The following ARHGAP29 variants were observed in gnomAD, a reference collection of about 807,000 sequenced individuals.
ARHGAP29 encodes the protein rho GTPase-activating protein 29.
A neutral mutation model predicts 122.6 loss-of-function variants in ARHGAP29; 43 were observed. The observed-to-expected ratio is 0.35, with a 90% CI of 0.27 to 0.45. ARHGAP29 has a LOEUF of 0.45. ARHGAP29 is among the 20% of genes least tolerant of loss of function. The pLI is 1.00. For synonymous variants in ARHGAP29, 506 were observed against 497.1 expected (o/e 1.02, Z -0.24); for missense variants, 1,303 against 1,477.2 (o/e 0.88, Z 1.93).
the ARHGAP29 span, among the ~76,000 whole-genome samples, chr1:94,282,430 C>T: frequency 6.6e-6 from 1 of 151,872 alleles, no homozygotes; most frequent in Non-Finnish European, 1.5e-5. Flanking sequence ...GGACTAAAGG[C>T]GCATGTCACC....
intron 1 of ARHGAP29, among the ~76,000 whole-genome samples, chr1:94,247,035 T>C (rs143197102): frequency 1.1e-4 from 16 of 152,060 alleles, no homozygotes; most frequent in African/African-American, 3.9e-4. Context: ...AAGTAATAAA[T>C]AGCCAGGGTC....
intron 12 of ARHGAP29, among the ~76,000 whole-genome samples, chr1:94,200,562 G>C (rs1450643010): frequency 6.6e-6 from 1 of 152,112 alleles, no homozygotes. Flanking sequence ...TGAGAAACAA[G>C]AAAACTTATG....
At chr1:94,302,307 G>T in the ARHGAP29 span, 1 of 261,668 alleles carries the variant, frequency 3.8e-6, no homozygotes, top group South Asian at 3.8e-5. Context: ...ATTATGTTAT[G>T]GAGTCCACTG....
At chr1:94,247,383 G>A (rs1653852143) in intron 1 of ARHGAP29, among the ~76,000 whole-genome samples, 1 of 151,874 alleles carries the variant, frequency 6.6e-6, no homozygotes, top group African/African-American at 2.4e-5. Flanking sequence ...GCGCGCACCC[G>A]GGGTCCGCGG....
intron 3 of ARHGAP29, among the ~76,000 whole-genome samples, chr1:94,211,287 C>CAAAAAAAAAAAAAAAAAA (rs71094285): frequency 2.8e-5 from 1 of 35,996 alleles, no homozygotes; most frequent in Non-Finnish European, 4.7e-5. Flanking sequence ...GCTCTGGCTC[C>CAAAAAAAAAAAAAAAAAA]AAAAAAAAAA....
chr1:94,201,650 G>C, intron 12 of ARHGAP29, 70 bp downstream of exon 12: 2 of 1,583,500 alleles, frequency 1.3e-6, no homozygotes, highest in Middle Eastern at 1.7e-4. Context: ...TGGGATTACA[G>C]GTGTGAGCCA....
At chr1:94,287,138 C>T in the ARHGAP29 span, among the ~76,000 whole-genome samples, 9 of 152,118 alleles carry the variant, frequency 5.9e-5, no homozygotes, top group Non-Finnish European at 1.2e-4. Flanking sequence ...GCTGGAGTGG[C>T]TCCCAGAACT....
Position 94,172,740 on chromosome 1 carries a change from G to A in ARHGAP29, c.*1129C>T, listed in dbSNP as rs971750031. On this transcript the variant is annotated 3_prime_UTR_variant, in exon 23 of 23. Transcript: ENST00000260526. Reference sequence around the variant, plus strand: ...TTTTATATCCTATTTTAGGCAAAATGATAAAACCCAGAAAATAACAGGAAT... The same window carrying A: ...TTTTATATCCTATTTTAGGCAAAATAATAAAACCCAGAAAATAACAGGAAT... The A allele has an allele frequency of 2.6e-5, 4 of 152,094 alleles. No homozygotes were observed. The highest frequency in any genetic ancestry group is 9.7e-5 in the African/African-American group (4 of 41,300). The allele number at this position is 152,094 out of a possible 1,614,324, so 9.4% of individuals were successfully genotyped here.
At chr1:94,280,186 T>C in the ARHGAP29 span, among the ~76,000 whole-genome samples, 1 of 152,104 alleles carries the variant, frequency 6.6e-6, no homozygotes, top group Non-Finnish European at 1.5e-5. Flanking sequence ...ATGGCTAGCT[T>C]ATATGGCCTG....
chr1:94,240,393 T>C (rs116530292), upstream of ARHGAP29, among the ~76,000 whole-genome samples: 1,251 of 152,306 alleles, frequency 8.2e-3, 9 homozygotes, highest in African/African-American at 0.025. Context: ...TACTTTTAAT[T>C]TAAAAGGGTT....
chr1:94,272,745 G>A lies in ARHGAP29; in HGVS notation c.-33+2267C>T, dbSNP rs573027215. Among the ~76,000 whole-genome samples, 3 of 152,224 alleles carry A rather than the reference G, an allele frequency of 2.0e-5. No homozygotes were observed. In the South Asian group the frequency reaches 6.2e-4, roughly 32 times the overall value. On this transcript the variant is annotated intron_variant and NMD_transcript_variant, in intron 1 of 25. Coordinates refer to the ARHGAP29 transcript ENST00000552844. ...CTCTCCTTCCACGGAGGTCAGACCT[G>A]CATCACAGTCTGAAGGCTCTTCCCA...
Position 94,172,431 on chromosome 1 carries a change from A to C in ARHGAP29, c.*1438T>G, listed in dbSNP as rs1648792675. The C allele has an allele frequency of 6.6e-6, 1 of 152,090 alleles. No individual in the cohort carries two copies. The highest frequency in any genetic ancestry group is 1.5e-5 in the Non-Finnish European group (1 of 68,008). The allele number at this position is 152,090 out of a possible 1,614,324, so 9.4% of individuals were successfully genotyped here. A position where few individuals can be genotyped will look rare whatever the true frequency, so the allele number is the denominator to read the frequency against. ...AAAAGGGCTGGTTATTGCTCCCTAG[A>C]CCTTTACATCACATAGAACTATAAA... is the stretch of plus-strand genomic sequence containing the variant. On this transcript the variant is annotated 3_prime_UTR_variant, in exon 23 of 23. Coordinates refer to ENST00000260526, the MANE Select transcript of ARHGAP29 (RefSeq NM_004815.4).
At chr1:94,245,368 CCT>C (rs1653753054) in intron 1 of ARHGAP29, among the ~76,000 whole-genome samples, 1 of 152,082 alleles carries the variant, frequency 6.6e-6, no homozygotes, top group Admixed American at 6.5e-5. Context: ...TGTGGTACAG[CCT>C]TACGATGGAA....
chr1:94,250,063 T>C (rs930018449), intron 1 of ARHGAP29, among the ~76,000 whole-genome samples: 1 of 152,118 alleles, frequency 6.6e-6, no homozygotes, highest in African/African-American at 2.4e-5. Flanking sequence ...CCAAATATGA[T>C]GGTCACAAAA....
intron 22 of ARHGAP29, chr1:94,176,797 G>C (rs1193442476): frequency 6.6e-6 from 1 of 152,090 alleles, no homozygotes; most frequent in Non-Finnish European, 1.5e-5. Flanking sequence ...TTAGTAGGCG[G>C]GGTTTCACCA....
the ARHGAP29 span, chr1:94,302,731 C>T: frequency 5.3e-6 from 2 of 379,998 alleles, no homozygotes; most frequent in Non-Finnish European, 1.0e-5. Context: ...GTACCCACTG[C>T]CAATGTGTCA....
intron 12 of ARHGAP29, among the ~76,000 whole-genome samples, chr1:94,197,821 A>C (rs1426753541): frequency 6.6e-6 from 1 of 152,148 alleles, no homozygotes; most frequent in East Asian, 1.9e-4. Context: ...ACTCTCAGCA[A>C]ACTAGAAAAA....
upstream of ARHGAP29, among the ~76,000 whole-genome samples, chr1:94,276,973 C>A (rs1655214489): frequency 2.0e-5 from 3 of 152,012 alleles, no homozygotes; most frequent in Non-Finnish European, 2.9e-5. Flanking sequence ...ACAACTTAAG[C>A]GTCTTCGTGC....
chr1:94,285,873 CAAAAAAAAA>C, the ARHGAP29 span, among the ~76,000 whole-genome samples: 2 of 72,640 alleles, frequency 2.8e-5, no homozygotes, highest in South Asian at 4.7e-4. Context: ...GACTCTGTCT[CAAAAAAAAA>C]AAAAAAAAGA....
Sources: gnomAD v4.1 joint callset for allele counts (sites outside exome capture counted in the v4.1 genomes callset) on GRCh38, gnomAD v4.1.1 for gene constraint, MANE v1.5 for transcripts, NCBI Gene and HGNC (gene_info 2026-07-23, HGNC 2026-07-21) for gene names.